Variants in CSMD3 observed in about 807,000 individuals in gnomAD.
CSMD3 encodes CUB and sushi domain-containing protein 3.
In CSMD3, 177 loss-of-function variants were observed where a neutral mutation model predicts 435.2. The observed-to-expected ratio is 0.41, with a 90% CI of 0.36 to 0.46. The LOEUF (loss-of-function observed/expected upper bound fraction) is 0.46. CSMD3 is among the 20% of genes least tolerant of loss of function. CSMD3 has a pLI of 0.34. For synonymous variants in CSMD3, 1,656 were observed against 1,520.5 expected, an observed-to-expected ratio of 1.09 and a Z score of -2.07; for missense variants, 4,265 against 4,504.6, an observed-to-expected ratio of 0.95 and a Z score of 1.52.
At chr8:113,417,717 C>T (rs1216692348) in intron 1 of CSMD3, among the ~76,000 whole-genome samples, 1 of 151,780 alleles carries the variant, frequency 6.6e-6, no homozygotes, top group East Asian at 1.9e-4. Context: ...CATGAATTTT[C>T]AGAAATACAA....
chr8:113,188,217 T>A (rs572785535), intron 3 of CSMD3, among the ~76,000 whole-genome samples: 4 of 152,030 alleles, frequency 2.6e-5, no homozygotes, highest in Non-Finnish European at 4.4e-5. Context: ...CATGTTTCTT[T>A]AATTTGTAAA....
chr8:112,541,794 T>G (rs2131141301), intron 27 of CSMD3, among the ~76,000 whole-genome samples: 1 of 151,616 alleles, frequency 6.6e-6, no homozygotes, highest in Non-Finnish European at 1.5e-5. Flanking sequence ...GTAAAGGCAA[T>G]ATTCCCTGAT....
intron 5 of CSMD3, among the ~76,000 whole-genome samples, chr8:113,068,044 G>C (rs1313341242): frequency 1.3e-5 from 2 of 152,244 alleles, no homozygotes; most frequent in South Asian, 4.1e-4. Flanking sequence ...TCAGTGAGGT[G>C]TTCCAATGTT....
chr8:113,016,435 T>C (rs899434193), intron 6 of CSMD3, among the ~76,000 whole-genome samples: 1 of 151,796 alleles, frequency 6.6e-6, no homozygotes, highest in Non-Finnish European at 1.5e-5. Context: ...CCATCAATTA[T>C]GGAACACACT....
intron 25 of CSMD3, 55 bp downstream of exon 25, chr8:112,556,708 A>G: frequency 7.0e-7 from 1 of 1,432,888 alleles, no homozygotes; most frequent in South Asian, 1.1e-5. Flanking sequence ...AAATGCAAAG[A>G]ATTTGATAAA....
chr8:112,875,700 A>G (rs1488849131), intron 10 of CSMD3, among the ~76,000 whole-genome samples: 1 of 151,916 alleles, frequency 6.6e-6, no homozygotes, highest in Non-Finnish European at 1.5e-5. Flanking sequence ...CTTTCTTCCA[A>G]TGGATCAATT....
At chr8:112,553,491 G>T (rs545713253) in intron 25 of CSMD3, among the ~76,000 whole-genome samples, 2 of 152,060 alleles carry the variant, frequency 1.3e-5, no homozygotes, top group South Asian at 4.1e-4. Flanking sequence ...TTAGCATATT[G>T]CTCTACGTCT....
chr8:113,275,364 T>C (rs980640293), intron 3 of CSMD3, among the ~76,000 whole-genome samples: 3 of 152,040 alleles, frequency 2.0e-5, no homozygotes, highest in African/African-American at 7.2e-5. Context: ...AAAGATAGAA[T>C]TTACAATCTC....
At chr8:113,084,576 T>C (rs2089684926) in intron 5 of CSMD3, among the ~76,000 whole-genome samples, 1 of 147,916 alleles carries the variant, frequency 6.8e-6, no homozygotes, top group Non-Finnish European at 1.5e-5. Flanking sequence ...ACCAATGACA[T>C]TCTAAATATA....
chr8:112,596,413 A>C (rs1389598576), intron 22 of CSMD3, among the ~76,000 whole-genome samples: 3 of 152,054 alleles, frequency 2.0e-5, no homozygotes, highest in Non-Finnish European at 4.4e-5. Flanking sequence ...ACACATTAAT[A>C]ATGGGAGACT....
At chr8:112,680,873 T>G (rs1356022267) in intron 16 of CSMD3, among the ~76,000 whole-genome samples, 1 of 152,100 alleles carries the variant, frequency 6.6e-6, no homozygotes, top group African/African-American at 2.4e-5. Flanking sequence ...TCTCAATTTA[T>G]CAGCTAGTCA....
At chr8:113,080,736 G>C (rs544008129) in intron 5 of CSMD3, among the ~76,000 whole-genome samples, 2 of 152,246 alleles carry the variant, frequency 1.3e-5, no homozygotes, top group Non-Finnish European at 2.9e-5. Flanking sequence ...TTTCTAACCA[G>C]AGAAACCAAA....
At chr8:113,253,405 T>G (rs971009984) in intron 3 of CSMD3, among the ~76,000 whole-genome samples, 1 of 151,960 alleles carries the variant, frequency 6.6e-6, no homozygotes, top group African/African-American at 2.4e-5. Context: ...CAGGCCCCGG[T>G]GTGTGATGTT....
intron 28 of CSMD3, among the ~76,000 whole-genome samples, chr8:112,510,041 T>C (rs1458646993): frequency 6.6e-6 from 1 of 152,178 alleles, no homozygotes; most frequent in Admixed American, 6.5e-5. Context: ...GCTAGAGGCC[T>C]AAGAGTCTTC....
At chr8:112,351,508 C>G (rs1826133663) in intron 39 of CSMD3, among the ~76,000 whole-genome samples, 1 of 151,686 alleles carries the variant, frequency 6.6e-6, no homozygotes, top group Admixed American at 6.6e-5. Context: ...TAATATTTTC[C>G]TATAACAATA....
intron 5 of CSMD3, among the ~76,000 whole-genome samples, chr8:113,063,015 A>C (rs2088684225): frequency 6.6e-6 from 1 of 151,748 alleles, no homozygotes. Flanking sequence ...AGTAAGAGTT[A>C]ATTTGCATCA....
intron 32 of CSMD3, among the ~76,000 whole-genome samples, chr8:112,469,964 G>C (rs1554583100): frequency 6.6e-6 from 1 of 152,156 alleles, no homozygotes; most frequent in Non-Finnish European, 1.5e-5. Flanking sequence ...CGTGGCAACA[G>C]AAAAAAATTA....
intron 6 of CSMD3, among the ~76,000 whole-genome samples, chr8:113,002,127 G>A (rs1418495073): frequency 1.3e-5 from 2 of 152,004 alleles, no homozygotes; most frequent in Admixed American, 6.6e-5. Context: ...CTGACTTTTG[G>A]TTTTTAGCAC....
intron 42 of CSMD3, among the ~76,000 whole-genome samples, chr8:112,339,245 A>G (rs1695168945): frequency 1.3e-5 from 2 of 151,870 alleles, no homozygotes; most frequent in African/African-American, 2.4e-5. Context: ...ATTGGTTGCA[A>G]AAAGCAATTG....
Sources: allele counts gnomAD v4.1 joint callset (sites outside exome capture counted in the v4.1 genomes callset), GRCh38; gene constraint gnomAD v4.1.1; transcripts MANE v1.5; gene names NCBI Gene and HGNC (gene_info 2026-07-23, HGNC 2026-07-21).